TBC1D30: variants seen among roughly 807,000 people sequenced by gnomAD.
TBC1D30 encodes TBC1 domain family, member 30.
Under a neutral mutation model 63.2 loss-of-function variants are expected in TBC1D30, and 31 were observed. The observed-to-expected ratio is 0.49, with a 90% confidence interval of 0.37 to 0.66. The LOEUF is 0.66. Ranked by LOEUF, TBC1D30 falls within the 30% of genes least tolerant of loss-of-function variation. TBC1D30 has a pLI of 0.00. For missense variants in TBC1D30, 810 were observed against 953.6 expected (o/e 0.85, Z 1.98); for synonymous variants, 307 against 361.5 (o/e 0.85, Z 1.71).
At position 64,878,946 on chromosome 12, in the gene TBC1D30, G is replaced by T. The variant is rs934298819; in HGVS notation, c.*3158G>T. The T allele has an allele frequency of 6.2e-6, 1 of 161,498 alleles. No individual in the cohort carries two copies. Among genetic ancestry groups the T allele is most frequent in the Non-Finnish European group, 1.4e-5 (1 of 73,204 alleles). 10.0% of individuals were successfully genotyped at this position (161,498 alleles called of 1,614,324 possible). ...TAAAATGAACAATAAATATAGTTTA[G>T]CTGCATGGCATTAAGGATTCTGTAT... On this transcript the variant is annotated 3_prime_UTR_variant, in exon 12 of 12. Coordinates refer to ENST00000539867, the MANE Select transcript of TBC1D30 (RefSeq NM_015279.2).
chr12:64,838,079 A>G (rs745623108), intron 6 of TBC1D30, among the ~76,000 whole-genome samples: 9 of 152,200 alleles, frequency 5.9e-5, no homozygotes, highest in Admixed American at 4.6e-4. Flanking sequence ...AGGGAGTACT[A>G]TGTTTTTTAA....
In TBC1D30 at chr12:64,814,134, C is replaced by T. The variant is rs184438010; in HGVS notation, c.644-13701C>T. Among the ~76,000 whole-genome samples the T allele has an allele frequency of 5.9e-5, 9 of 152,264 alleles. No individual in the cohort carries two copies. The East Asian group carries it at 1.4e-3, about 23-fold the overall frequency. On this transcript the variant is annotated intron_variant, in intron 2 of 12. Coordinates refer to the TBC1D30 transcript ENST00000542120. ...TGATTTTGGTCCACTGCAAACTCCA[C>T]CTCCCAGGTTCAAGTGATTGTCGTG...
At chr12:64,828,869 A>G (rs1874591145) in intron 3 of TBC1D30, among the ~76,000 whole-genome samples, 1 of 152,194 alleles carries the variant, frequency 6.6e-6, no homozygotes, top group Non-Finnish European at 1.5e-5. Flanking sequence ...TAGCAAGGTG[A>G]CATTCGAGTA....
chr12:64,769,269 C>T (rs1870819957), intron 1 of TBC1D30, among the ~76,000 whole-genome samples: 1 of 151,812 alleles, frequency 6.6e-6, no homozygotes, highest in African/African-American at 2.4e-5. Context: ...GTAATGGTGC[C>T]ATCTTGGCTC....
intron 7 of TBC1D30, among the ~76,000 whole-genome samples, chr12:64,842,834 GGTGGGACT>G (rs1876000183): frequency 6.6e-6 from 1 of 152,176 alleles, no homozygotes; most frequent in Non-Finnish European, 1.5e-5. Context: ...AGATGCCACA[GGTGGGACT>G]GTGAGGCGAG....
chr12:64,828,596 G>C, intron 3 of TBC1D30, 87 bp downstream of exon 3: 1 of 860,932 alleles, frequency 1.2e-6, no homozygotes, highest in Non-Finnish European at 1.8e-6. Flanking sequence ...TATATTCTAG[G>C]TTTAGTTACT....
At chr12:64,828,295 C>G in intron 2 of TBC1D30, 149 bp from the exon 3 acceptor site, 2 of 648,620 alleles carry the variant, frequency 3.1e-6, no homozygotes, top group Non-Finnish European at 5.5e-6. Flanking sequence ...ATGGACTGAT[C>G]ACTTCTGTCT....
rs968419511 is a variant in TBC1D30 at position 64,824,839 on chromosome 12, G to C, written c.-41G>C. 1 of 1,525,496 alleles carries C rather than the reference G, an allele frequency of 6.6e-7. No homozygotes were observed. The highest frequency in any genetic ancestry group is 2.0e-5 in the Admixed American group (1 of 50,578). 94.5% of individuals were successfully genotyped at this position (1,525,496 alleles called of 1,614,324 possible). On this transcript the variant is annotated 5_prime_UTR_variant, in exon 1 of 12. Coordinates refer to ENST00000539867, the MANE Select transcript of TBC1D30 (RefSeq NM_015279.2). ...CTCAGCGAGTGGGGTAGCGGGGACC[G>C]AGACGGACGGTAGCCGTGCCAGAGC...
intron 2 of TBC1D30, among the ~76,000 whole-genome samples, chr12:64,786,457 G>A (rs1871586788): frequency 6.6e-6 from 1 of 151,918 alleles, no homozygotes; most frequent in Admixed American, 6.6e-5. Context: ...TAAGCCTCCT[G>A]AGTAGCTGGA....
chr12:64,874,464 C>G (rs985830863), intron 11 of TBC1D30, among the ~76,000 whole-genome samples: 1 of 152,180 alleles, frequency 6.6e-6, no homozygotes, highest in Non-Finnish European at 1.5e-5. Context: ...TGGTTTTTCA[C>G]CTGTAGGGCT....
chr12:64,866,267 T>C (rs928685027), intron 9 of TBC1D30, among the ~76,000 whole-genome samples: 1 of 152,178 alleles, frequency 6.6e-6, no homozygotes, highest in East Asian at 1.9e-4. Flanking sequence ...CATGTAGTCA[T>C]ATTTGCTTAT....
At chr12:64,764,579 G>C (rs1361505011) in intron 1 of TBC1D30, among the ~76,000 whole-genome samples, 3 of 152,172 alleles carry the variant, frequency 2.0e-5, no homozygotes, top group African/African-American at 7.2e-5. Flanking sequence ...CATGTAAAGA[G>C]AAACAAACAA....
exon 1 of TBC1D30, chr12:64,780,848 C>A: frequency 1.0e-6 from 1 of 1,001,220 alleles, no homozygotes; most frequent in Non-Finnish European, 1.2e-6. Context: ...CCCGGGGCTC[C>A]GGACGGAGCT....
chr12:64,806,729 C>T (rs1433764089), intron 2 of TBC1D30, among the ~76,000 whole-genome samples: 2 of 152,132 alleles, frequency 1.3e-5, no homozygotes, highest in Non-Finnish European at 2.9e-5. Flanking sequence ...TGCACATCCA[C>T]GTTCATAGCA....
chr12:64,799,793 A>T (rs1471931200), intron 2 of TBC1D30, among the ~76,000 whole-genome samples: 1 of 152,218 alleles, frequency 6.6e-6, no homozygotes, highest in African/African-American at 2.4e-5. Flanking sequence ...ACTAGGGAAC[A>T]TGGGGAAGTG....
intron 8 of TBC1D30, among the ~76,000 whole-genome samples, chr12:64,861,874 C>T (rs1284319802): frequency 6.6e-6 from 1 of 152,142 alleles, no homozygotes; most frequent in Admixed American, 6.5e-5. Context: ...CCTTTGCACC[C>T]ACTCTGTTCA....
intron 2 of TBC1D30, among the ~76,000 whole-genome samples, chr12:64,797,706 G>A (rs977908382): frequency 1.3e-5 from 2 of 152,064 alleles, no homozygotes; most frequent in African/African-American, 2.4e-5. Flanking sequence ...GATTTTTGCT[G>A]TGTATTTTAA....
In TBC1D30 at chr12:64,843,455, T is replaced by C. The variant is rs1565672480; in HGVS notation, c.1008T>C (p.Asn336=). ...MGRLTQEMLE[N]DLLQSHELMQ... is the part of the protein sequence containing the mutation. ...GCCTTACCCAGGAGATGCTAGAGAATGATCTTCTGCAAAGCCATGAACTCA... is the reference window on the plus strand; with the variant it reads ...GCCTTACCCAGGAGATGCTAGAGAACGATCTTCTGCAAAGCCATGAACTCA... The change falls in exon 8 of 12, where the codon AAT becomes AAC. Residue 336 remains asparagine, a synonymous_variant. Transcript: ENST00000539867. 6.5e-7 allele frequency: 1 copy of C among 1,536,198 alleles called. No individual in the cohort carries two copies. The highest frequency in any genetic ancestry group is 8.7e-7 in the Non-Finnish European group (1 of 1,146,914).
chr12:64,843,526 G>A (rs1044632768), intron 8 of TBC1D30, 41 bp downstream of exon 8: 11 of 1,466,690 alleles, frequency 7.5e-6, no homozygotes, highest in East Asian at 5.0e-5. Context: ...GGGGAACCCC[G>A]GGCACGGTGG....
Sources: allele counts gnomAD v4.1 joint callset (sites outside exome capture counted in the v4.1 genomes callset), GRCh38; gene constraint gnomAD v4.1.1; transcripts MANE v1.5; gene names NCBI Gene and HGNC (gene_info 2026-07-23, HGNC 2026-07-21).